CNIH3: variants seen among roughly 807,000 people sequenced by gnomAD.
CNIH3 encodes protein cornichon homolog 3.
Under a neutral mutation model 24.1 loss-of-function variants are expected in CNIH3, and 14 were observed. That is an observed-to-expected ratio of 0.58 (90% CI 0.38 to 0.91). The LOEUF (loss-of-function observed/expected upper bound fraction) is 0.91, where lower values mean the gene tolerates loss of function less well. Ranked by LOEUF, CNIH3 falls within the 40% of genes least tolerant of loss-of-function variation. CNIH3 has a pLI of 0.00. For synonymous variants in CNIH3, 68 were observed against 73.8 expected, an observed-to-expected ratio of 0.92 and a Z score of 0.40; for missense variants, 178 against 196.8, an observed-to-expected ratio of 0.90 and a Z score of 0.57.
chr1:224,635,291 C>G (rs1453323864), intron 1 of CNIH3, among the ~76,000 whole-genome samples: 1 of 152,086 alleles, frequency 6.6e-6, no homozygotes, highest in East Asian at 1.9e-4. Context: ...CAGGCCCCTC[C>G]CACGACACTT....
intron 3 of CNIH3, among the ~76,000 whole-genome samples, chr1:224,714,475 T>C (rs1159285958): frequency 4.6e-5 from 7 of 152,136 alleles, no homozygotes; most frequent in Non-Finnish European, 1.0e-4. Context: ...AGGGAGCAAA[T>C]ATGCACATGG....
At chr1:224,502,322 G>T (rs991439261) in intron 1 of CNIH3, among the ~76,000 whole-genome samples, 5 of 152,194 alleles carry the variant, frequency 3.3e-5, no homozygotes, top group Non-Finnish European at 5.9e-5. Flanking sequence ...GTCAGCAGAA[G>T]TATCTCGTGA....
At chr1:224,667,639 G>A (rs1393363274) in intron 1 of CNIH3, among the ~76,000 whole-genome samples, 2 of 152,090 alleles carry the variant, frequency 1.3e-5, no homozygotes, top group South Asian at 2.1e-4. Flanking sequence ...GACTGCAAAC[G>A]CTAGAAAGCT....
chr1:224,468,230 C>T (rs2102992977), intron 1 of CNIH3, among the ~76,000 whole-genome samples: 1 of 152,180 alleles, frequency 6.6e-6, no homozygotes, highest in South Asian at 2.1e-4. Flanking sequence ...TATAAGAAGC[C>T]TTGCTGGAAT....
intron 1 of CNIH3, among the ~76,000 whole-genome samples, chr1:224,617,511 G>A (rs1683071108): frequency 1.3e-5 from 2 of 152,212 alleles, no homozygotes. Context: ...CGGGTCCCGG[G>A]CGCCGGGGAG....
chr1:224,487,659 G>T (rs1231636146), intron 1 of CNIH3, among the ~76,000 whole-genome samples: 1 of 152,230 alleles, frequency 6.6e-6, no homozygotes, highest in African/African-American at 2.4e-5. Flanking sequence ...TATAGAAGAA[G>T]CTTCCCTTTC....
upstream of CNIH3, among the ~76,000 whole-genome samples, chr1:224,511,081 C>A (rs979695238): frequency 6.6e-6 from 1 of 152,192 alleles, no homozygotes; most frequent in Non-Finnish European, 1.5e-5. Flanking sequence ...GCTGACCTCT[C>A]TGAAAGGCCT....
chr1:224,728,164 A>G lies in CNIH3; in HGVS notation c.199-2298A>G, dbSNP rs1164688101. On this transcript the variant is annotated intron_variant, in intron 3 of 5. Transcript: ENST00000272133. The stretch of plus-strand genomic sequence containing the variant: ...AGGCCCACGGTGGCTGTCTCTAAAC[A>G]TGTTAATTGCCTCAGCTTAAGTGGC... Among the ~76,000 whole-genome samples the G allele has an allele frequency of 3.9e-5, 6 of 152,336 alleles. No individual in the cohort carries two copies. The East Asian group carries it at 1.2e-3, about 29-fold the overall frequency.
intron 1 of CNIH3, among the ~76,000 whole-genome samples, chr1:224,679,414 G>A (rs1180373689): frequency 2.6e-5 from 4 of 152,190 alleles, no homozygotes; most frequent in Non-Finnish European, 4.4e-5. Flanking sequence ...AAAATGGGTA[G>A]CAGGCTGGAT....
intron 4 of CNIH3, among the ~76,000 whole-genome samples, chr1:224,732,498 A>T (rs1276302448): frequency 6.6e-6 from 1 of 152,162 alleles, no homozygotes; most frequent in Non-Finnish European, 1.5e-5. Context: ...TGTTTGATAC[A>T]TGGGGACACA....
At chr1:224,701,745 A>G (rs1040992613) in intron 3 of CNIH3, among the ~76,000 whole-genome samples, 7 of 152,202 alleles carry the variant, frequency 4.6e-5, no homozygotes, top group Non-Finnish European at 8.8e-5. Flanking sequence ...GGATGTAGAC[A>G]TCGTTATGGT....
chr1:224,443,508 G>A (rs1558461402), intron 1 of CNIH3, among the ~76,000 whole-genome samples: 2 of 152,000 alleles, frequency 1.3e-5, no homozygotes, highest in South Asian at 4.2e-4. Flanking sequence ...GCTTAATATC[G>A]AGGGACAAGA....
chr1:224,514,363 CCA>C (rs1558121999), upstream of CNIH3, among the ~76,000 whole-genome samples: 1 of 152,092 alleles, frequency 6.6e-6, no homozygotes, highest in South Asian at 2.1e-4. Flanking sequence ...GTTTCTGAGT[CCA>C]CAGTTACACT....
upstream of CNIH3, among the ~76,000 whole-genome samples, chr1:224,511,398 T>C (rs6678608): frequency 0.18 from 27,589 of 152,290 alleles, 2,747 homozygotes; most frequent in Non-Finnish European, 0.22. Flanking sequence ...AAAGCCACTA[T>C]GTAAATAGCT....
At chr1:224,506,273 G>GCGCGCGCGCGCGCGCACACACACACA (rs1558115885) in intron 1 of CNIH3, among the ~76,000 whole-genome samples, 1 of 38,540 alleles carries the variant, frequency 2.6e-5, no homozygotes, top group African/African-American at 6.5e-5. Flanking sequence ...ACGCACACGC[G>GCGCGCGCGCGCGCGCACACACACACA]CGCGCGCGCG....
At chr1:224,682,873 G>A (rs1207862825) in intron 2 of CNIH3, among the ~76,000 whole-genome samples, 1 of 152,192 alleles carries the variant, frequency 6.6e-6, no homozygotes, top group Non-Finnish European at 1.5e-5. Flanking sequence ...CTGATTCCAG[G>A]GCAAATGCTA....
intron 3 of CNIH3, among the ~76,000 whole-genome samples, chr1:224,557,318 G>A (rs1680177757): frequency 6.6e-6 from 1 of 152,144 alleles, no homozygotes; most frequent in Non-Finnish European, 1.5e-5. Context: ...AAAGTGCTAG[G>A]ATTACAGGTG....
intron 5 of CNIH3, among the ~76,000 whole-genome samples, chr1:224,735,177 G>A (rs545539573): frequency 5.3e-5 from 8 of 152,168 alleles, no homozygotes; most frequent in African/African-American, 7.2e-5. Context: ...TGGCTGTCAC[G>A]GTTCATAAAG....
intron 1 of CNIH3, among the ~76,000 whole-genome samples, chr1:224,453,885 C>A (rs992964319): frequency 1.4e-4 from 21 of 152,094 alleles, no homozygotes; most frequent in Non-Finnish European, 2.9e-5. Flanking sequence ...CCTTCTTTAT[C>A]CTCCCTCCCC....
Sources: gnomAD v4.1 joint callset for allele counts (sites outside exome capture counted in the v4.1 genomes callset) on GRCh38, gnomAD v4.1.1 for gene constraint, MANE v1.5 for transcripts, NCBI Gene and HGNC (gene_info 2026-07-23, HGNC 2026-07-21) for gene names.